Variants in UEVLD observed in about 807,000 individuals in gnomAD.
The protein encoded by UEVLD is ubiquitin-conjugating enzyme E2 variant 3.
UEVLD carries 47 observed loss-of-function variants against 58.6 expected under a neutral mutation model. That is an observed-to-expected ratio of 0.80 (90% confidence interval 0.63 to 1.02). The LOEUF is 1.02. Ranked by LOEUF, UEVLD falls within the 50% of genes least tolerant of loss-of-function variation. UEVLD has a pLI of 0.00. For missense variants in UEVLD, 510 were observed against 550.6 expected, an observed-to-expected ratio of 0.93 and a Z score of 0.74; for synonymous variants, 197 against 195.3, an observed-to-expected ratio of 1.01 and a Z score of -0.07.
intron 7 of UEVLD, among the ~76,000 whole-genome samples, chr11:18,547,460 G>A (rs1352314533): frequency 6.6e-6 from 1 of 152,156 alleles, no homozygotes; most frequent in African/African-American, 2.4e-5. Context: ...GGAGGTGGAG[G>A]TTCAGTGAGC....
At chr11:18,535,920 T>C (rs1288446569) in intron 10 of UEVLD, among the ~76,000 whole-genome samples, 2 of 152,322 alleles carry the variant, frequency 1.3e-5, no homozygotes, top group Admixed American at 1.3e-4. Flanking sequence ...GTGGATCATG[T>C]GGTCAGGAGA....
chr11:18,557,568 T>TC (rs1230544062), intron 7 of UEVLD, among the ~76,000 whole-genome samples: 3 of 151,106 alleles, frequency 2.0e-5, no homozygotes, highest in Non-Finnish European at 4.4e-5. Flanking sequence ...TTTTTTTTTT[T>TC]CAGAGACAGG....
Position 18,553,187 on chromosome 11 carries a change from A to G in UEVLD, c.715+5041T>C, listed in dbSNP as rs561291060. On this transcript the variant is annotated intron_variant, in intron 7 of 11. Coordinates refer to ENST00000396197, the MANE Select transcript of UEVLD (RefSeq NM_001040697.4). Reference sequence around the variant, plus strand: ...AAAAAAAAAAAAAAATTAGCCGGGCATGGTGGCGTGCTCCCGTAATCCCAG... The same window carrying G: ...AAAAAAAAAAAAAAATTAGCCGGGCGTGGTGGCGTGCTCCCGTAATCCCAG... Among the ~76,000 whole-genome samples the G allele has an allele frequency of 3.4e-3, 501 of 146,882 alleles. 3 individuals carry two copies. Among genetic ancestry groups the G allele is most frequent in the Middle Eastern group, 0.017 (5 of 286 alleles).
rs543083534 is a variant in UEVLD at position 18,568,684 on chromosome 11, T to C, written c.357+1530A>G. ...CTGATAATCCGAAGTATGTCCTTTGTTTTTTCTATTTCTTTTTTCTTCTTT... is the reference window on the plus strand; with the variant it reads ...CTGATAATCCGAAGTATGTCCTTTGCTTTTTCTATTTCTTTTTTCTTCTTT... On this transcript the variant is annotated intron_variant, in intron 4 of 11. Transcript: ENST00000396197. Among the ~76,000 whole-genome samples, 6 of 152,284 alleles carry C rather than the reference T, an allele frequency of 3.9e-5. No individual in the cohort carries two copies. The South Asian group carries it at 8.3e-4, about 21-fold the overall frequency.
Position 18,574,398 on chromosome 11 carries a change from A to G in UEVLD, c.193+949T>C, listed in dbSNP as rs12421803. ...AGTGATCTGCCCACCTAGGCCTCCC[A>G]AAGTGCTGGGATTACAGGCATGAGC... On this transcript the variant is annotated intron_variant, in intron 3 of 11. Transcript: ENST00000396197. Among the ~76,000 whole-genome samples the G allele has an allele frequency of 7.2e-3, 1,102 of 152,294 alleles. 4 individuals are homozygous for G. The highest frequency in any genetic ancestry group is 9.7e-3 in the Non-Finnish European group (657 of 68,020).
chr11:18,533,198 T>G (rs1850647779), intron 11 of UEVLD, among the ~76,000 whole-genome samples: 1 of 152,028 alleles, frequency 6.6e-6, no homozygotes, highest in Non-Finnish European at 1.5e-5. Flanking sequence ...CAGCTTCTTC[T>G]AGCTGTTTTG....
intron 11 of UEVLD, among the ~76,000 whole-genome samples, chr11:18,533,370 T>G (rs1464767449): frequency 1.4e-5 from 2 of 146,958 alleles, no homozygotes; most frequent in Admixed American, 6.8e-5. Context: ...CTCCATGAGA[T>G]CAACTTTAAA....
chr11:18,574,254 G>A (rs1476126823), intron 3 of UEVLD, among the ~76,000 whole-genome samples: 1 of 152,166 alleles, frequency 6.6e-6, no homozygotes, highest in Non-Finnish European at 1.5e-5. Context: ...AGATTCCCCT[G>A]CCTCAGCCTT....
chr11:18,535,083 G>T (rs1253747966), intron 10 of UEVLD, among the ~76,000 whole-genome samples: 1 of 152,176 alleles, frequency 6.6e-6, no homozygotes, highest in African/African-American at 2.4e-5. Flanking sequence ...ATTAAGGAAA[G>T]AAATGAAGTT....
chr11:18,561,321 C>T (rs1324621851), intron 6 of UEVLD, among the ~76,000 whole-genome samples: 2 of 151,984 alleles, frequency 1.3e-5, no homozygotes, highest in South Asian at 2.1e-4. Flanking sequence ...GGGCCAGGCA[C>T]GGTGGCTCAT....
intron 1 of UEVLD, 76 bp downstream of exon 1, chr11:18,588,537 A>G: frequency 2.6e-6 from 4 of 1,545,748 alleles, no homozygotes; most frequent in Non-Finnish European, 3.5e-6. Context: ...CGCAAAACGG[A>G]GGCAACCTGG....
At chr11:18,578,656 A>G in intron 2 of UEVLD, 68 bp downstream of exon 2, 1 of 1,115,280 alleles carries the variant, frequency 9.0e-7, no homozygotes, top group South Asian at 1.3e-5. Context: ...ACAATTTTGC[A>G]GCTCTTTAGG....
intron 7 of UEVLD, among the ~76,000 whole-genome samples, chr11:18,549,457 C>T (rs964620384): frequency 6.6e-6 from 1 of 152,130 alleles, no homozygotes; most frequent in Admixed American, 6.5e-5. Flanking sequence ...CACTCTGTTG[C>T]CCAGGCTGGA....
chr11:18,553,385 T>C (rs1851618505), intron 7 of UEVLD, among the ~76,000 whole-genome samples: 1 of 151,944 alleles, frequency 6.6e-6, no homozygotes, highest in African/African-American at 2.4e-5. Context: ...GAATATTATG[T>C]AGAACGTTTT....
chr11:18,574,539 A>AT (rs1450458423), intron 3 of UEVLD, among the ~76,000 whole-genome samples: 1 of 152,230 alleles, frequency 6.6e-6, no homozygotes, highest in East Asian at 1.9e-4. Context: ...ATATATAAGC[A>AT]ACCTCTTGTG....
intron 7 of UEVLD, among the ~76,000 whole-genome samples, chr11:18,548,120 T>C (rs1336929973): frequency 5.3e-5 from 8 of 152,148 alleles, no homozygotes; most frequent in African/African-American, 2.4e-5. Context: ...CCATGGGAAC[T>C]ACAGGTAATC....
In UEVLD at chr11:18,544,737, CG is replaced by C; in HGVS notation, c.945del (p.Ile315MetfsTer20). The C allele has an allele frequency of 6.4e-7, 1 of 1,571,666 alleles. No homozygotes were observed. Among genetic ancestry groups the C allele is most frequent in the Admixed American group, 2.0e-5 (1 of 50,122 alleles). Reference sequence around the variant, plus strand: ...TGTGAATCCAGATTACATCCAATTCCGATCACTCGATTTGCAGGAAATGTAC... The same window carrying C: ...TGTGAATCCAGATTACATCCAATTCCATCACTCGATTTGCAGGAAATGTAC... ...KLSTFPANRVIGIGCNLDSQR... is the reference protein window; with the variant it reads ...KLSTFPANRVXGIGCNLDSQR... On this transcript the variant is annotated frameshift_variant, in exon 9 of 12. Coordinates refer to ENST00000396197, the MANE Select transcript of UEVLD (RefSeq NM_001040697.4). LOFTEE classifies it high-confidence loss of function.
At chr11:18,545,074 A>ATATATATATAT (rs1345787784) in intron 8 of UEVLD, among the ~76,000 whole-genome samples, 4 of 84,548 alleles carry the variant, frequency 4.7e-5, no homozygotes, top group African/African-American at 1.2e-4. Context: ...CTATATCTAT[A>ATATATATATAT]TTTTTTTTTT....
At position 18,558,222 on chromosome 11, in the gene UEVLD, A is replaced by G; in HGVS notation, c.715+6T>C. On this transcript the variant is annotated splice_donor_region_variant and intron_variant, in intron 7 of 11. Transcript: ENST00000396197. ...AGGCATACATCTTTAAGCAGAATAA[A>G]CAGACCTTTGCTGATCTCCACATTA... is the stretch of plus-strand genomic sequence containing the variant. 6.2e-7 allele frequency: 1 copy of G among 1,607,368 alleles called. No homozygotes were observed. Among genetic ancestry groups the G allele is most frequent in the Admixed American group, 1.7e-5 (1 of 59,068 alleles).
Sources: allele counts gnomAD v4.1 joint callset (sites outside exome capture counted in the v4.1 genomes callset), GRCh38; gene constraint gnomAD v4.1.1; transcripts MANE v1.5; gene names NCBI Gene and HGNC (gene_info 2026-07-23, HGNC 2026-07-21).